The following GALNTL5 variants were observed in gnomAD, a reference collection of about 807,000 sequenced individuals.
GALNTL5 encodes polypeptide N-acetylgalactosaminyltransferase like 5.
GALNTL5 carries 44 observed loss-of-function variants against 51.0 expected under a neutral mutation model. The observed-to-expected ratio is 0.86, with a 90% CI of 0.68 to 1.11. GALNTL5 has a LOEUF of 1.11. Ranked by LOEUF, GALNTL5 falls within the 50% of genes least tolerant of loss-of-function variation. GALNTL5 has a pLI of 0.00. For synonymous variants in GALNTL5, 192 were observed against 182.8 expected, an observed-to-expected ratio of 1.05 and a Z score of -0.41; for missense variants, 528 against 531.8, an observed-to-expected ratio of 0.99 and a Z score of 0.07.
chr7:151,963,543 G>T (rs1260491272), intron 1 of GALNTL5, among the ~76,000 whole-genome samples: 1 of 152,134 alleles, frequency 6.6e-6, no homozygotes, highest in Non-Finnish European at 1.5e-5. Flanking sequence ...GATTATAGAC[G>T]TGGGCAATCA....
rs775079956 is a variant in GALNTL5 at position 152,003,014 on chromosome 7, CA to C, written c.908+52del. 7 of 1,529,862 alleles carry C rather than the reference CA, an allele frequency of 4.6e-6. No individual in the cohort carries two copies. In the African/African-American group the frequency reaches 5.5e-5, roughly 12 times the overall value. The allele number at this position is 1,529,862 out of a possible 1,614,324, so 94.8% of individuals were successfully genotyped here. A position where few individuals can be genotyped will look rare whatever the true frequency, so the allele number is the denominator to read the frequency against. Reference sequence around the variant, plus strand: ...AATATAGCATACGTGTATTGAGACCCAGGGGGAAAAAGCCTCCAGAGATTAT... The same window carrying C: ...AATATAGCATACGTGTATTGAGACCCGGGGGAAAAAGCCTCCAGAGATTAT... On this transcript the variant is annotated intron_variant, in intron 6 of 8. Coordinates refer to ENST00000392800, the MANE Select transcript of GALNTL5 (RefSeq NM_145292.4).
At position 151,981,310 on chromosome 7, in the gene GALNTL5, G is replaced by A. The variant is rs76989605; in HGVS notation, c.369-1676G>A. 1.8e-3 allele frequency among the ~76,000 whole-genome samples: 278 copies of A among 152,214 alleles called. 4 individuals are homozygous for A. The highest frequency in any genetic ancestry group is 6.4e-3 in the African/African-American group (267 of 41,524). Reference sequence around the variant, plus strand: ...CGCCTTCTATCTGAATACTTACTGCGTGCCAGGCACTGCTCTAAGTGTTGT... The same window carrying A: ...CGCCTTCTATCTGAATACTTACTGCATGCCAGGCACTGCTCTAAGTGTTGT... On this transcript the variant is annotated intron_variant, in intron 3 of 8. Transcript: ENST00000392800.
At chr7:151,980,212 A>G (rs1281094517) in intron 3 of GALNTL5, among the ~76,000 whole-genome samples, 2 of 151,774 alleles carry the variant, frequency 1.3e-5, no homozygotes, top group African/African-American at 4.8e-5. Context: ...GCCTCCTGAG[A>G]AGCTGGGATT....
chr7:151,980,139 A>G (rs1027613938), intron 3 of GALNTL5, among the ~76,000 whole-genome samples: 1 of 152,132 alleles, frequency 6.6e-6, no homozygotes, highest in Non-Finnish European at 1.5e-5. Flanking sequence ...GCTGGAGTGC[A>G]GTGGCGCCAT....
intron 3 of GALNTL5, among the ~76,000 whole-genome samples, chr7:151,978,684 G>T (rs1316394115): frequency 2.0e-5 from 3 of 152,186 alleles, no homozygotes; most frequent in African/African-American, 4.8e-5. Flanking sequence ...TTGTTGGCAG[G>T]ATTGCTCGCC....
intron 3 of GALNTL5, among the ~76,000 whole-genome samples, chr7:151,980,223 A>G (rs1448330901): frequency 2.6e-5 from 4 of 152,136 alleles, no homozygotes; most frequent in African/African-American, 7.2e-5. Context: ...AGCTGGGATT[A>G]CAGTCATGCA....
chr7:151,990,008 T>C (rs1358021943), intron 5 of GALNTL5, among the ~76,000 whole-genome samples: 1 of 152,168 alleles, frequency 6.6e-6, no homozygotes, highest in Non-Finnish European at 1.5e-5. Context: ...TATCTTTTCT[T>C]CTCCTCTGGG....
At chr7:152,007,598 T>G (rs1448664303) in intron 6 of GALNTL5, among the ~76,000 whole-genome samples, 1 of 151,906 alleles carries the variant, frequency 6.6e-6, no homozygotes, top group Non-Finnish European at 1.5e-5. Flanking sequence ...TTTTGTATTT[T>G]TAGTAGAGAC....
Position 152,019,777 on chromosome 7 carries a change from G to C in GALNTL5, c.1308G>C (p.Leu436Phe), listed in dbSNP as rs763028046. The C allele has an allele frequency of 1.2e-6, 2 of 1,612,922 alleles. No individual in the cohort carries two copies. Among genetic ancestry groups the C allele is most frequent in the Non-Finnish European group, 1.7e-6 (2 of 1,179,316 alleles). ...ATTTGGATAATGTCTTCCCAGAGTT[G>C]GAGGCATCTGTGAACAGCCTGTGAA... Reference protein sequence around the residue: ...QWYLDNVFPELEASVNSL With the variant: ...QWYLDNVFPEFEASVNSL Residue 436 changes from leucine (L) to phenylalanine (F), a missense_variant, in exon 9 of 9, where the codon TTG becomes TTC. Transcript: ENST00000392800.
intron 3 of GALNTL5, among the ~76,000 whole-genome samples, chr7:151,974,618 AAACTT>A (rs1256361688): frequency 6.6e-6 from 1 of 152,206 alleles, no homozygotes; most frequent in Non-Finnish European, 1.5e-5. Context: ...ATAAAATAAA[AAACTT>A]AAATTTACTC....
At chr7:152,019,546 T>G in intron 8 of GALNTL5, 100 bp from the exon 9 acceptor site, 1 of 1,211,908 alleles carries the variant, frequency 8.3e-7, no homozygotes, top group Non-Finnish European at 1.2e-6. Context: ...CTTTTTTAGT[T>G]CACATGATGA....
At chr7:151,980,233 A>G (rs576382486) in intron 3 of GALNTL5, among the ~76,000 whole-genome samples, 30 of 152,106 alleles carry the variant, frequency 2.0e-4, no homozygotes, top group African/African-American at 7.2e-4. Flanking sequence ...ACAGTCATGC[A>G]CCACCACGCC....
chr7:151,966,088 T>A (rs1433877517), intron 1 of GALNTL5, among the ~76,000 whole-genome samples: 1 of 152,166 alleles, frequency 6.6e-6, no homozygotes, highest in African/African-American at 2.4e-5. Context: ...TTTTCATGTT[T>A]TCCAAATTTA....
At chr7:151,992,986 C>T (rs528339186) in intron 5 of GALNTL5, among the ~76,000 whole-genome samples, 1 of 152,208 alleles carries the variant, frequency 6.6e-6, no homozygotes, top group Non-Finnish European at 1.5e-5. Flanking sequence ...GCCTAGAATC[C>T]CCGCACTTTG....
intron 5 of GALNTL5, among the ~76,000 whole-genome samples, chr7:151,996,349 C>T (rs1346917863): frequency 6.6e-6 from 1 of 151,810 alleles, no homozygotes; most frequent in Admixed American, 6.6e-5. Context: ...CTAATGCTAT[C>T]CCTCCCCACT....
intron 3 of GALNTL5, chr7:151,982,736 A>G: frequency 1.6e-6 from 1 of 625,232 alleles, no homozygotes; most frequent in South Asian, 1.8e-5. Context: ...GAGATTATCA[A>G]CACAGTCTCA....
At chr7:151,998,538 G>A (rs563674266) in intron 5 of GALNTL5, among the ~76,000 whole-genome samples, 119 of 152,294 alleles carry the variant, frequency 7.8e-4, no homozygotes, top group African/African-American at 2.6e-3. Context: ...TTGGAAGGCT[G>A]AGGCAGGTAG....
At chr7:151,973,336 G>A (rs7790598) in intron 3 of GALNTL5, among the ~76,000 whole-genome samples, 6,878 of 151,742 alleles carry the variant, frequency 0.045, 496 homozygotes, top group African/African-American at 0.16. Flanking sequence ...ATGGTGATGC[G>A]TGCCTATAGA....
chr7:151,978,531 C>A lies in GALNTL5; in HGVS notation c.369-4455C>A, dbSNP rs73728487. Among the ~76,000 whole-genome samples the A allele has an allele frequency of 4.2e-3, 647 of 152,244 alleles. 4 individuals are homozygous for A. Among genetic ancestry groups the A allele is most frequent in the African/African-American group, 0.014 (599 of 41,542 alleles). On this transcript the variant is annotated intron_variant, in intron 3 of 8. Coordinates refer to ENST00000392800, the MANE Select transcript of GALNTL5 (RefSeq NM_145292.4). The stretch of plus-strand genomic sequence containing the variant: ...TCAGAATCTGCAGTCAGCAAGAACC[C>A]CAGTTGAGACTGATGCATGGTAAAA...
Sources: gnomAD v4.1 joint callset for allele counts (sites outside exome capture counted in the v4.1 genomes callset) on GRCh38, gnomAD v4.1.1 for gene constraint, MANE v1.5 for transcripts, NCBI Gene and HGNC (gene_info 2026-07-23, HGNC 2026-07-21) for gene names.